Variants in SLC9A7 observed in about 807,000 individuals in gnomAD.
SLC9A7 encodes solute carrier family 9 member A7.
A neutral mutation model predicts 52.6 loss-of-function variants in SLC9A7; 19 were observed. That is an observed-to-expected ratio of 0.36 (90% CI 0.25 to 0.53). The LOEUF (loss-of-function observed/expected upper bound fraction) is 0.53, where lower values mean the gene tolerates loss of function less well. Among genes scored for constraint, SLC9A7 ranks in the 20% least tolerant of loss-of-function variants. The pLI, the probability that SLC9A7 is intolerant of heterozygous loss-of-function variation, is 0.91. For missense variants in SLC9A7, 455 were observed against 597.9 expected (o/e 0.76, Z 2.49); for synonymous variants, 226 against 252.1 (o/e 0.90, Z 0.98).
chrX:46,651,986 T>C (rs1164326444), intron 8 of SLC9A7, among the ~76,000 whole-genome samples: 2 of 110,370 alleles, frequency 1.8e-5, no homozygotes, highest in Non-Finnish European at 3.8e-5. Flanking sequence ...GTTCCAGTTT[T>C]AAGGGTATCT....
rs1300587548 is a variant in SLC9A7 at position 46,728,018 on chromosome X, T to C, written c.325+30687A>G. On this transcript the variant is annotated intron_variant, in intron 1 of 16. Coordinates refer to ENST00000616978, the MANE Select transcript of SLC9A7 (RefSeq NM_001257291.2). ...TGTATTAATCTCTTGAGAGATATAT[T>C]GATCTTTATTATTGTAAGAATAAAG... Among the ~76,000 whole-genome samples the C allele has an allele frequency of 2.7e-5, 3 of 112,119 alleles. No individual in the cohort carries two copies. In the East Asian group the frequency reaches 8.3e-4, roughly 31 times the overall value.
chrX:46,646,382 C>T (rs1347670616), intron 11 of SLC9A7, among the ~76,000 whole-genome samples: 3 of 111,788 alleles, frequency 2.7e-5, no homozygotes, highest in East Asian at 2.8e-4. Flanking sequence ...TCTGTGCCCT[C>T]CCCGGAGATG....
chrX:46,606,901 T>C lies in SLC9A7; in HGVS notation c.*51A>G, dbSNP rs1942753078. ...CCAACAACACTAGGGCTTGCAGCTG[T>C]CCTCACCCCATCGGGAGCCTACCCC... is the stretch of plus-strand genomic sequence containing the variant. On this transcript the variant is annotated 3_prime_UTR_variant, in exon 17 of 17. Transcript: ENST00000616978. 1 of 1,204,995 alleles carries C rather than the reference T, an allele frequency of 8.3e-7. No individual in the cohort carries two copies. The highest frequency in any genetic ancestry group is 1.8e-5 in the South Asian group (1 of 56,044).
intron 11 of SLC9A7, among the ~76,000 whole-genome samples, chrX:46,646,228 T>C (rs1476278340): frequency 2.7e-5 from 3 of 111,003 alleles, no homozygotes; most frequent in Non-Finnish European, 5.7e-5. Flanking sequence ...CTCTTGCTTC[T>C]CCTCATTGGC....
At chrX:46,690,544 AC>A (rs1406855657) in intron 1 of SLC9A7, among the ~76,000 whole-genome samples, 2 of 112,137 alleles carry the variant, frequency 1.8e-5, no homozygotes, top group African/African-American at 6.5e-5. Context: ...AATATTTTCT[AC>A]CAGACTGTAG....
chrX:46,708,130 C>G (rs756956657), intron 1 of SLC9A7, among the ~76,000 whole-genome samples: 1 of 112,349 alleles, frequency 8.9e-6, no homozygotes, highest in Admixed American at 9.4e-5. Context: ...GGTAACATAA[C>G]AAGACCCTGT....
At chrX:46,746,908 C>T (rs146854709) in intron 1 of SLC9A7, among the ~76,000 whole-genome samples, 3 of 111,554 alleles carry the variant, frequency 2.7e-5, no homozygotes, top group African/African-American at 6.5e-5. Context: ...CATTAATGGA[C>T]GAATGAATAA....
At chrX:46,711,338 GCAAT>G (rs1389241900) in intron 1 of SLC9A7, among the ~76,000 whole-genome samples, 1 of 112,580 alleles carries the variant, frequency 8.9e-6, no homozygotes, top group African/African-American at 3.2e-5. Flanking sequence ...GTGGCATAAA[GCAAT>G]CACAAAGATC....
rs781229475 is a variant in SLC9A7 at position 46,630,249 on chromosome X, G to C, written c.1740+1337C>G. On this transcript the variant is annotated intron_variant, in intron 14 of 16. Coordinates refer to ENST00000616978, the MANE Select transcript of SLC9A7 (RefSeq NM_001257291.2). Reference sequence around the variant, plus strand: ...ACATTTTGCCAGCCTTATTAAATCTGATTTGGTAGATGGAATCATTTAGAA... The same window carrying C: ...ACATTTTGCCAGCCTTATTAAATCTCATTTGGTAGATGGAATCATTTAGAA... Among the ~76,000 whole-genome samples the C allele has an allele frequency of 7.1e-5, 8 of 111,942 alleles. No individual in the cohort carries two copies. In the South Asian group the frequency reaches 3.0e-3, roughly 42 times the overall value.
chrX:46,705,381 C>G (rs1044112625), intron 1 of SLC9A7, among the ~76,000 whole-genome samples: 21 of 112,362 alleles, frequency 1.9e-4, no homozygotes, highest in African/African-American at 6.5e-4. Context: ...GCTACAAGTA[C>G]AAGAGCTTTA....
At chrX:46,653,824 C>A in intron 7 of SLC9A7, 110 bp from the exon 8 acceptor site, 1 of 490,299 alleles carries the variant, frequency 2.0e-6, no homozygotes, top group Non-Finnish European at 3.4e-6. Context: ...TTCCCTTCAA[C>A]CTTTTTTTTT....
intron 15 of SLC9A7, among the ~76,000 whole-genome samples, chrX:46,615,906 T>C (rs1942939917): frequency 9.1e-6 from 1 of 110,486 alleles, no homozygotes; most frequent in Admixed American, 9.7e-5. Context: ...TTTCCAATTT[T>C]TTCTTCCCAA....
intron 1 of SLC9A7, among the ~76,000 whole-genome samples, chrX:46,719,236 T>C (rs933181253): frequency 1.0e-5 from 1 of 95,974 alleles, no homozygotes; most frequent in Non-Finnish European, 2.0e-5. Flanking sequence ...TAGGTGGGAA[T>C]TGAACAATGA....
intron 16 of SLC9A7, among the ~76,000 whole-genome samples, chrX:46,607,833 C>T (rs961815308): frequency 5.4e-5 from 6 of 111,305 alleles, no homozygotes; most frequent in African/African-American, 1.6e-4. Context: ...GCGAGAGTGT[C>T]GGAGACGGCA....
intron 7 of SLC9A7, among the ~76,000 whole-genome samples, chrX:46,660,311 T>C (rs1450448430): frequency 1.8e-5 from 2 of 111,452 alleles, no homozygotes; most frequent in Non-Finnish European, 3.8e-5. Context: ...TAGGCATGGG[T>C]AAGTACTTCA....
At position 46,631,942 on chromosome X, in the gene SLC9A7, T is replaced by C. The variant is rs1050193088; in HGVS notation, c.1677-293A>G. ...TGTCCACTTGCTTTTCTGCACCAGG[T>C]GGTCCCAGTTATCAAAATGGGGGTC... On this transcript the variant is annotated intron_variant, in intron 13 of 16. Coordinates refer to ENST00000616978, the MANE Select transcript of SLC9A7 (RefSeq NM_001257291.2). Among the ~76,000 whole-genome samples, 3 of 112,089 alleles carry C rather than the reference T, an allele frequency of 2.7e-5. No individual in the cohort carries two copies. In the Admixed American group the frequency reaches 2.8e-4, roughly 11 times the overall value.
chrX:46,620,146 T>C (rs1943020101), intron 15 of SLC9A7, among the ~76,000 whole-genome samples: 1 of 111,458 alleles, frequency 9.0e-6, no homozygotes. Context: ...AGGGGTTGGG[T>C]GAAGTGGCTC....
In SLC9A7 at chrX:46,606,870, C is replaced by A; in HGVS notation, c.*82G>T. The A allele has an allele frequency of 5.9e-6, 7 of 1,188,737 alleles. No individual in the cohort carries two copies. The stretch of plus-strand genomic sequence containing the variant: ...GAGTTAGTTCAATCTAGTCACTGCC[C>A]CACCTCCAACAACACTAGGGCTTGC... On this transcript the variant is annotated 3_prime_UTR_variant, in exon 17 of 17. Transcript: ENST00000616978.
intron 15 of SLC9A7, among the ~76,000 whole-genome samples, chrX:46,614,106 T>C (rs1335094675): frequency 9.0e-6 from 1 of 111,705 alleles, no homozygotes; most frequent in Admixed American, 9.5e-5. Context: ...ATTCTGTGTA[T>C]GGTAGGATAT....
Sources: allele counts gnomAD v4.1 joint callset (sites outside exome capture counted in the v4.1 genomes callset), GRCh38; gene constraint gnomAD v4.1.1; transcripts MANE v1.5; gene names NCBI Gene and HGNC (gene_info 2026-07-23, HGNC 2026-07-21).